The following AP2A2 variants were observed in gnomAD, a reference collection of about 807,000 sequenced individuals.
The protein encoded by AP2A2 is adaptor related protein complex 2 subunit alpha 2.
A neutral mutation model predicts 104.2 loss-of-function variants in AP2A2; 32 were observed. The observed-to-expected ratio is 0.31, with a 90% CI of 0.23 to 0.41. The LOEUF is 0.41. AP2A2 is among the 10% of genes least tolerant of loss of function. AP2A2 has a pLI of 1.00. For missense variants in AP2A2, 912 were observed against 1,261.0 expected, an observed-to-expected ratio of 0.72 and a Z score of 4.19; for synonymous variants, 539 against 533.3, an observed-to-expected ratio of 1.01 and a Z score of -0.15.
rs755447668 is a variant in AP2A2 at position 1,010,565 on chromosome 11, G to C, written c.2760G>C (p.Leu920=). 2.5e-6 allele frequency: 4 copies of C among 1,595,094 alleles called. No individual in the cohort carries two copies. The highest frequency in any genetic ancestry group is 2.6e-6 in the Non-Finnish European group (3 of 1,171,046). ...NLQAQMYRLT[L]RTSKEAVSQR... ...TGTTTCAGATGTACCGGCTCACGCT[G>C]CGCACAAGTAAGGAAGCCGTTTCTC... Residue 920 remains leucine (L), a synonymous_variant, in exon 22 of 22, where the codon CTG becomes CTC. Transcript: ENST00000448903.
intron 18 of AP2A2, 82 bp downstream of exon 18, chr11:1,008,217 T>C (rs1744863282): frequency 6.8e-7 from 1 of 1,478,894 alleles, no homozygotes; most frequent in Admixed American, 2.3e-5. Context: ...TGTGCCTCCG[T>C]GTCCTTCCTG....
intron 1 of AP2A2, chr11:942,218 C>T (rs1297898330): frequency 6.6e-6 from 1 of 152,238 alleles, no homozygotes; most frequent in South Asian, 2.1e-4. Flanking sequence ...TGAGCCACCG[C>T]GCTTAGCAAT....
chr11:964,284 C>T (rs1854539210), intron 2 of AP2A2, among the ~76,000 whole-genome samples: 1 of 152,216 alleles, frequency 6.6e-6, no homozygotes, highest in South Asian at 2.1e-4. Flanking sequence ...TGAAGCTACC[C>T]TGTTTGAGTG....
intron 21 of AP2A2, chr11:1,010,074 G>A: frequency 1.9e-6 from 1 of 516,706 alleles, no homozygotes; most frequent in Non-Finnish European, 3.5e-6. Flanking sequence ...ATACATGGTT[G>A]CATCCCAGCC....
At chr11:1,002,156 C>T (rs563047436) in intron 15 of AP2A2, among the ~76,000 whole-genome samples, 6 of 152,320 alleles carry the variant, frequency 3.9e-5, no homozygotes, top group Admixed American at 1.3e-4. Context: ...ATGGGTGGTC[C>T]GTCAGAGCCC....
intron 4 of AP2A2, among the ~76,000 whole-genome samples, chr11:976,012 G>A (rs1312595776): frequency 1.3e-5 from 2 of 152,230 alleles, no homozygotes; most frequent in Non-Finnish European, 2.9e-5. Flanking sequence ...CACAAGCATG[G>A]AACCTGGTTG....
intron 2 of AP2A2, among the ~76,000 whole-genome samples, chr11:960,704 G>A (rs966811390): frequency 1.3e-5 from 2 of 152,134 alleles, no homozygotes. Flanking sequence ...TTCTAGTAGA[G>A]ATGGGGTTTC....
At position 993,883 on chromosome 11, in the gene AP2A2, C is replaced by T. The variant is rs374883321; in HGVS notation, c.1680C>T (p.Asp560=). The stretch of plus-strand genomic sequence containing the variant: ...CGGAGGTGAAGCCCACCATCCAGGA[C>T]GTGCTGCGCAGCGACAGCCAGCTCA... ...LFPEVKPTIQ[D]VLRSDSQLRN... Residue 560 remains aspartate (D), a synonymous_variant, in exon 13 of 22, where the codon GAC becomes GAT. Coordinates refer to ENST00000448903, the MANE Select transcript of AP2A2 (RefSeq NM_012305.4). The surrounding 1 kb of genome is among the most constrained non-coding windows in gnomAD (Gnocchi z 8.2). The T allele has an allele frequency of 3.1e-5, 50 of 1,610,582 alleles. No individual in the cohort carries two copies. Among genetic ancestry groups the T allele is most frequent in the East Asian group, 2.0e-4 (9 of 44,850 alleles).
Position 1,006,685 on chromosome 11 carries a change from GA to G in AP2A2, c.2296+70del, listed in dbSNP as rs1025097081. On this transcript the variant is annotated intron_variant, in intron 17 of 21. Transcript: ENST00000448903. ...GTGGGGCTTAGAGGAGGCTTTTGAGGAAGTTTTTTGGTTTTCTTATTTTGTT... is the reference window on the plus strand; with the variant it reads ...GTGGGGCTTAGAGGAGGCTTTTGAGGAGTTTTTTGGTTTTCTTATTTTGTT... The G allele has an allele frequency of 1.2e-5, 15 of 1,252,102 alleles. No homozygotes were observed. In the African/African-American group the frequency reaches 2.3e-4, roughly 19 times the overall value. The allele number at this position is 1,252,102 out of a possible 1,614,324, so 77.6% of individuals were successfully genotyped here.
rs371262427 is a variant in AP2A2, at chr11:972,124, C to T, written c.342C>T (p.Asn114=). 5.0e-5 allele frequency: 80 copies of T among 1,613,646 alleles called. No homozygotes were observed. The highest frequency in any genetic ancestry group is 5.8e-5 in the Non-Finnish European group (69 of 1,179,826). ...GTGAGCTGATCCGCCTGATCAACAA[C>T]GCCATCAAGAATGACCTGGCCAGCC... is the stretch of plus-strand genomic sequence containing the variant. ...SNSELIRLIN[N]AIKNDLASRN... Residue 114 remains asparagine (N), a synonymous_variant, in exon 4 of 22, where the codon AAC becomes AAT. Transcript: ENST00000448903.
In AP2A2 at chr11:1,001,873, C is replaced by T. The variant is rs12420757; in HGVS notation, c.2123+1275C>T. 1.8e-4 allele frequency among the ~76,000 whole-genome samples: 27 copies of T among 152,180 alleles called. 1 individual carries two copies. Among genetic ancestry groups the T allele is most frequent in the Admixed American group, 1.8e-3 (27 of 15,280 alleles). On this transcript the variant is annotated intron_variant, in intron 15 of 21. Transcript: ENST00000448903. Reference sequence around the variant, plus strand: ...TGGCGCTGTCTGCAGCTGGCCAGGCCTCGGGGCTCTTGTGCATGCGGCCGT... The same window carrying T: ...TGGCGCTGTCTGCAGCTGGCCAGGCTTCGGGGCTCTTGTGCATGCGGCCGT...
chr11:942,040 C>T (rs1182758772), intron 1 of AP2A2, among the ~76,000 whole-genome samples: 1 of 152,204 alleles, frequency 6.6e-6, no homozygotes, highest in Non-Finnish European at 1.5e-5. Context: ...CATTCTCCTG[C>T]CTCAGCCTCC....
chr11:1,005,691 C>G (rs991658715), intron 16 of AP2A2, among the ~76,000 whole-genome samples: 1 of 152,192 alleles, frequency 6.6e-6, no homozygotes, highest in South Asian at 2.1e-4. Context: ...AATTAGTCCT[C>G]TGCCCGCCAG....
At chr11:957,864 C>T (rs1012574819) in intron 1 of AP2A2, among the ~76,000 whole-genome samples, 1 of 152,252 alleles carries the variant, frequency 6.6e-6, no homozygotes, top group Non-Finnish European at 1.5e-5. Context: ...ACTGTGTCTT[C>T]CGTGAGGGTA....
chr11:987,218 C>A lies in AP2A2; in HGVS notation c.1131+265C>A, dbSNP rs1003697908. The stretch of plus-strand genomic sequence containing the variant: ...CAGCCCTTTCCCTGCTGGGGGCAGC[C>A]CCCGTGTGCCATCCTGCGCGTGCAT... On this transcript the variant is annotated intron_variant, in intron 9 of 21. Transcript: ENST00000448903. Among the ~76,000 whole-genome samples, 13 of 152,192 alleles carry A rather than the reference C, an allele frequency of 8.5e-5. 1 individual carries two copies. Among genetic ancestry groups the A allele is most frequent in the Non-Finnish European group, 7.3e-5 (5 of 68,040 alleles).
intron 1 of AP2A2, among the ~76,000 whole-genome samples, chr11:930,414 C>T (rs1438759319): frequency 6.6e-6 from 1 of 152,104 alleles, no homozygotes; most frequent in Non-Finnish European, 1.5e-5. Flanking sequence ...ACCCAGCGGC[C>T]ACTGCATTTG....
At chr11:956,785 G>A (rs1854251181) in intron 1 of AP2A2, 1 of 152,182 alleles carries the variant, frequency 6.6e-6, no homozygotes, top group Admixed American at 6.5e-5. Context: ...GTACAATGGA[G>A]AATTCCCACA....
In AP2A2 at chr11:1,011,444, C is replaced by T; in HGVS notation, c.*819C>T. 1 of 498,528 alleles carries T rather than the reference C, an allele frequency of 2.0e-6. No homozygotes were observed. Among genetic ancestry groups the T allele is most frequent in the South Asian group, 1.4e-5 (1 of 69,028 alleles). The allele number at this position is 498,528 out of a possible 1,614,324, so 30.9% of individuals were successfully genotyped here. ...CCCAGGCCACGGTGCAGGCCTGAGTCCTTCCACCGGCCCCGTCCAGTCGTC... is the reference window on the plus strand; with the variant it reads ...CCCAGGCCACGGTGCAGGCCTGAGTTCTTCCACCGGCCCCGTCCAGTCGTC... On this transcript the variant is annotated 3_prime_UTR_variant, in exon 22 of 22. Transcript: ENST00000448903.
chr11:956,505 C>T (rs950142804), intron 1 of AP2A2, among the ~76,000 whole-genome samples: 2 of 152,140 alleles, frequency 1.3e-5, no homozygotes, highest in African/African-American at 4.8e-5. Context: ...TGTTTTTGCA[C>T]ACAACTCACC....
Sources: allele counts gnomAD v4.1 joint callset (sites outside exome capture counted in the v4.1 genomes callset), GRCh38; gene constraint gnomAD v4.1.1; non-coding constraint Gnocchi (gnomAD v3.1); transcripts MANE v1.5; gene names NCBI Gene and HGNC (gene_info 2026-07-23, HGNC 2026-07-21).